The following CBLB variants were observed in gnomAD, a reference collection of about 807,000 sequenced individuals.
The protein encoded by CBLB is E3 ubiquitin-protein ligase CBL-B.
In CBLB, 31 loss-of-function variants were observed where a neutral mutation model predicts 104.9. That is an observed-to-expected ratio of 0.30 (90% CI 0.22 to 0.40). CBLB has a LOEUF of 0.40. CBLB is among the 10% of genes least tolerant of loss of function. The pLI is 1.00. For synonymous variants in CBLB, 440 were observed against 422.6 expected (o/e 1.04, Z -0.51); for missense variants, 1,062 against 1,214.6 (o/e 0.87, Z 1.87).
At chr3:105,824,032 C>T (rs1353036517) in intron 3 of CBLB, among the ~76,000 whole-genome samples, 4 of 152,172 alleles carry the variant, frequency 2.6e-5, no homozygotes, top group African/African-American at 7.2e-5. Flanking sequence ...CCCTTTTGAA[C>T]TCATAGGTTC....
At chr3:105,799,189 A>G (rs1408893952) in intron 3 of CBLB, among the ~76,000 whole-genome samples, 5 of 151,704 alleles carry the variant, frequency 3.3e-5, no homozygotes, top group Non-Finnish European at 5.9e-5. Flanking sequence ...AAAAAAAAAA[A>G]AAAAAGAAAT....
intron 4 of CBLB, 105 bp downstream of exon 4, chr3:105,776,291 C>A (rs984425847): frequency 4.0e-6 from 4 of 1,011,076 alleles, no homozygotes; most frequent in African/African-American, 3.3e-5. Flanking sequence ...TAATAAAATA[C>A]ATTCACAAAA....
chr3:105,765,288 G>A (rs1271855539), intron 4 of CBLB, among the ~76,000 whole-genome samples: 1 of 152,086 alleles, frequency 6.6e-6, no homozygotes, highest in Admixed American at 6.6e-5. Context: ...CATGCAATAT[G>A]CAATTACTTG....
At chr3:105,751,716 A>C in intron 4 of CBLB, 98 bp from the exon 5 acceptor site, 1 of 878,040 alleles carries the variant, frequency 1.1e-6, no homozygotes, top group Non-Finnish European at 1.9e-6. Context: ...AATTAATATA[A>C]TTGTATTTGT....
At chr3:105,694,703 A>G (rs934873134) in intron 12 of CBLB, among the ~76,000 whole-genome samples, 2 of 151,912 alleles carry the variant, frequency 1.3e-5, no homozygotes, top group Non-Finnish European at 2.9e-5. Context: ...CAAAGCTACA[A>G]AATCAAATTT....
At chr3:105,815,925 C>A (rs1403556392) in intron 3 of CBLB, among the ~76,000 whole-genome samples, 1 of 152,122 alleles carries the variant, frequency 6.6e-6, no homozygotes, top group Non-Finnish European at 1.5e-5. Context: ...AACCATCATT[C>A]TCAGCAAACT....
rs1404208162 is a variant in CBLB, at chr3:105,838,064, C to CT, written c.419+15349dup. Among the ~76,000 whole-genome samples, 796 of 140,634 alleles carry CT rather than the reference C, an allele frequency of 5.7e-3. 21 individuals carry two copies. The East Asian group carries it at 0.058, about 10-fold the overall frequency. The allele number at this position is 140,634 out of a possible 152,430, so 92.3% of individuals were successfully genotyped here. A position where few individuals can be genotyped will look rare whatever the true frequency, so the allele number is the denominator to read the frequency against. Reference sequence around the variant, plus strand: ...ACACAGAAGAGACATAGCCTATTACCTTTTTTTTTCCTTTTTTTCTTTTTT... The same window carrying CT: ...ACACAGAAGAGACATAGCCTATTACCTTTTTTTTTTCCTTTTTTTCTTTTTT... On this transcript the variant is annotated intron_variant, in intron 3 of 18. Coordinates refer to ENST00000394030, the MANE Select transcript of CBLB (RefSeq NM_170662.5).
intron 3 of CBLB, among the ~76,000 whole-genome samples, chr3:105,780,664 T>TTC (rs1385390448): frequency 8.3e-6 from 1 of 120,804 alleles, no homozygotes; most frequent in Non-Finnish European, 1.8e-5. Flanking sequence ...TTTTTTGTTT[T>TTC]TTTTTTTTTT....
At chr3:105,797,726 T>C (rs967925348) in intron 3 of CBLB, among the ~76,000 whole-genome samples, 2 of 152,242 alleles carry the variant, frequency 1.3e-5, no homozygotes, top group African/African-American at 2.4e-5. Flanking sequence ...TACAACAATG[T>C]AGGTAACATT....
At chr3:105,860,300 C>G (rs138895965) in intron 2 of CBLB, among the ~76,000 whole-genome samples, 30 of 152,272 alleles carry the variant, frequency 2.0e-4, no homozygotes, top group African/African-American at 6.0e-4. Context: ...AGCATATCCA[C>G]AACTACATTG....
intron 3 of CBLB, among the ~76,000 whole-genome samples, chr3:105,845,010 T>C (rs1051335166): frequency 1.3e-5 from 2 of 152,182 alleles, no homozygotes; most frequent in Non-Finnish European, 2.9e-5. Flanking sequence ...AAAGCAGGCA[T>C]TCTTTCTTGA....
At chr3:105,704,997 A>T (rs113323228) in intron 10 of CBLB, among the ~76,000 whole-genome samples, 20 of 152,098 alleles carry the variant, frequency 1.3e-4, no homozygotes, top group Middle Eastern at 6.8e-3. Flanking sequence ...TTAATCAAGT[A>T]GCCTTAACAG....
chr3:105,734,840 A>G (rs557779006), intron 8 of CBLB, among the ~76,000 whole-genome samples: 30 of 152,338 alleles, frequency 2.0e-4, no homozygotes, highest in Admixed American at 4.6e-4. Flanking sequence ...ACCAAAAACC[A>G]TTTTATTAAA....
chr3:105,843,391 C>T (rs1162440387), intron 3 of CBLB, among the ~76,000 whole-genome samples: 2 of 152,038 alleles, frequency 1.3e-5, no homozygotes, highest in African/African-American at 4.8e-5. Context: ...TTTCTATGTG[C>T]AATAGGGAAA....
At position 105,827,687 on chromosome 3, in the gene CBLB, G is replaced by A. The variant is rs537607296; in HGVS notation, c.419+25727C>T. On this transcript the variant is annotated intron_variant, in intron 3 of 18. Transcript: ENST00000394030. ...AAGCAGACACAAAAATTTAAGACAG[G>A]AAATTTAGATTATCAAGAGACAGCA... 4.6e-5 allele frequency among the ~76,000 whole-genome samples: 7 copies of A among 152,176 alleles called. No homozygotes were observed. The East Asian group carries it at 1.4e-3, about 29-fold the overall frequency.
At chr3:105,853,176 T>G (rs2091179216) in intron 3 of CBLB, among the ~76,000 whole-genome samples, 1 of 152,198 alleles carries the variant, frequency 6.6e-6, no homozygotes, top group Admixed American at 6.5e-5. Flanking sequence ...AGCCTAGGTG[T>G]GCGGTAGGTA....
At chr3:105,729,053 G>C (rs1213082838) in intron 9 of CBLB, among the ~76,000 whole-genome samples, 1 of 152,012 alleles carries the variant, frequency 6.6e-6, no homozygotes, top group Non-Finnish European at 1.5e-5. Flanking sequence ...TTATGGTCAG[G>C]GTTTAATATT....
intron 9 of CBLB, among the ~76,000 whole-genome samples, chr3:105,723,609 T>C (rs1370534613): frequency 6.6e-6 from 1 of 151,990 alleles, no homozygotes; most frequent in African/African-American, 2.4e-5. Flanking sequence ...GACAAACAAA[T>C]AGAAAAAAAT....
In CBLB at chr3:105,794,380, T is replaced by A. The variant is rs984949389; in HGVS notation, c.420-17838A>T. Reference sequence around the variant, plus strand: ...TAATTACTGTAAAAAAGATACAATCTGACATTAACCTTACGGAGCAGTTTG... The same window carrying A: ...TAATTACTGTAAAAAAGATACAATCAGACATTAACCTTACGGAGCAGTTTG... On this transcript the variant is annotated intron_variant, in intron 3 of 18. Coordinates refer to ENST00000394030, the MANE Select transcript of CBLB (RefSeq NM_170662.5). 2.6e-5 allele frequency among the ~76,000 whole-genome samples: 4 copies of A among 152,228 alleles called. No homozygotes were observed. The East Asian group carries it at 7.7e-4, about 29-fold the overall frequency.
Sources: allele counts gnomAD v4.1 joint callset (sites outside exome capture counted in the v4.1 genomes callset), GRCh38; gene constraint gnomAD v4.1.1; transcripts MANE v1.5; gene names NCBI Gene and HGNC (gene_info 2026-07-23, HGNC 2026-07-21).